Variants in STARD7 observed in about 807,000 individuals in gnomAD.
The protein encoded by STARD7 is stAR-related lipid transfer protein 7, mitochondrial.
Under a neutral mutation model 45.3 loss-of-function variants are expected in STARD7, and 30 were observed. The observed-to-expected ratio is 0.66, with a 90% confidence interval of 0.50 to 0.90. The LOEUF is 0.90. STARD7 is among the 40% of genes least tolerant of loss of function. STARD7 has a pLI of 0.00. For synonymous variants in STARD7, 199 were observed against 183.0 expected (o/e 1.09, Z -0.70); for missense variants, 495 against 491.3 (o/e 1.01, Z -0.07).
intron 1 of STARD7, 35 bp downstream of exon 1, chr2:96,208,110 C>T: frequency 1.3e-6 from 2 of 1,502,414 alleles, no homozygotes; most frequent in Non-Finnish European, 1.8e-6. Context: ...GCCCCCCCAC[C>T]CCACGGCCCA....
At chr2:96,195,923 A>T (rs988519151) in intron 1 of STARD7, among the ~76,000 whole-genome samples, 2 of 151,860 alleles carry the variant, frequency 1.3e-5, no homozygotes, top group African/African-American at 2.4e-5. Flanking sequence ...AACCAGCCTG[A>T]TCAACATGGT....
chr2:96,197,083 A>ATATAATATAATAT (rs1424189805), intron 1 of STARD7, among the ~76,000 whole-genome samples: 3 of 139,116 alleles, frequency 2.2e-5, no homozygotes, highest in African/African-American at 7.7e-5. Context: ...AAATAAAATA[A>ATATAATATAATAT]AATAAAATAA....
Position 96,187,215 on chromosome 2 carries a change from A to T in STARD7, c.928+2T>A. ...AGGCCCTGTATACTTGCCCTTACTT[A>T]CCACTGGAAACCATCCAACTAACAC... On this transcript the variant is annotated splice_donor_variant, in intron 7 of 7. Transcript: ENST00000337288. LOFTEE classifies it high-confidence loss of function. The T allele has an allele frequency of 1.2e-6, 2 of 1,610,614 alleles. No homozygotes were observed.
intron 1 of STARD7, among the ~76,000 whole-genome samples, chr2:96,207,506 TCA>T (rs1683412889): frequency 6.6e-6 from 1 of 152,230 alleles, no homozygotes; most frequent in Non-Finnish European, 1.5e-5. Flanking sequence ...ACTGGGCTTT[TCA>T]CAGTTTTGAT....
At chr2:96,196,635 G>A (rs2104189297) in intron 1 of STARD7, among the ~76,000 whole-genome samples, 1 of 152,144 alleles carries the variant, frequency 6.6e-6, no homozygotes, top group Middle Eastern at 3.4e-3. Flanking sequence ...CTGATTTTTT[G>A]TATTTTTAGC....
Position 96,204,120 on chromosome 2 carries a change from G to A in STARD7, c.290+4025C>T, listed in dbSNP as rs555046376. On this transcript the variant is annotated intron_variant, in intron 1 of 7. Transcript: ENST00000337288. ...CTAAAAATACAAAAATTAAACAGGC[G>A]TGGTGGCACCCCCGCTGTAGACCCA... Among the ~76,000 whole-genome samples the A allele has an allele frequency of 2.0e-5, 3 of 151,946 alleles. No homozygotes were observed. The South Asian group carries it at 6.2e-4, about 32-fold the overall frequency.
chr2:96,201,457 A>G (rs1683302947), intron 1 of STARD7, among the ~76,000 whole-genome samples: 1 of 151,422 alleles, frequency 6.6e-6, no homozygotes, highest in African/African-American at 2.4e-5. Context: ...GCGTAGTGGC[A>G]TGCAGCTGTA....
intron 1 of STARD7, among the ~76,000 whole-genome samples, chr2:96,197,120 A>ACTAAACTAAAC (rs1683233426): frequency 7.2e-6 from 1 of 138,760 alleles, no homozygotes; most frequent in Non-Finnish European, 1.6e-5. Flanking sequence ...ATAAAATAAA[A>ACTAAACTAAAC]TAAAGCCAAG....
intron 1 of STARD7, among the ~76,000 whole-genome samples, chr2:96,201,615 C>T (rs1683306730): frequency 1.3e-5 from 2 of 151,092 alleles, no homozygotes; most frequent in Non-Finnish European, 2.9e-5. Flanking sequence ...GGTGCAACGG[C>T]TCACACCTGT....
Position 96,208,233 on chromosome 2 carries a change from G to C in STARD7, c.202C>G (p.Arg68Gly), listed in dbSNP as rs766358681. 15 of 1,612,370 alleles carry C rather than the reference G, an allele frequency of 9.3e-6. No individual in the cohort carries two copies. Among genetic ancestry groups the C allele is most frequent in the South Asian group, 2.2e-5 (2 of 90,966 alleles). ...ATCAAGGCAGAGGCATGGCCAGGAC[G>C]GCCGTGCAGCCGGCGCCAGAGGCGG... is the stretch of plus-strand genomic sequence containing the variant. ...LGRLWRRLHG[R>G]PGHASALMAA... is the part of the protein sequence containing the mutation. Residue 68 changes from arginine (R) to glycine (G), a missense_variant, in exon 1 of 8, where the codon CGT (arginine) becomes GGT (glycine). Transcript: ENST00000337288.
chr2:96,204,728 A>G (rs937375974), intron 1 of STARD7, among the ~76,000 whole-genome samples: 1 of 148,614 alleles, frequency 6.7e-6, no homozygotes, highest in Non-Finnish European at 1.5e-5. Context: ...TACCAGTAAG[A>G]TACCCTGAAG....
At chr2:96,190,590 G>A (rs1024507053) in intron 6 of STARD7, among the ~76,000 whole-genome samples, 5 of 151,922 alleles carry the variant, frequency 3.3e-5, no homozygotes, top group African/African-American at 7.2e-5. Context: ...TACATGCCTC[G>A]GCCTCCCAAA....
Position 96,193,278 on chromosome 2 carries a change from A to G in STARD7, c.624T>C (p.Ser208=). ...TTACCCAGTGAAGAACCTCGGAACC[A>G]CTAACCACATCCCTCTCAATCACCT... is the stretch of plus-strand genomic sequence containing the variant. The part of the protein sequence containing the change: ...KLEVIERDVV[S]GSEVLHWVTH... Residue 208 remains serine (S), a synonymous_variant, in exon 4 of 8, where the codon AGT becomes AGC. Coordinates refer to ENST00000337288, the MANE Select transcript of STARD7 (RefSeq NM_020151.4). 6.2e-7 allele frequency: 1 copy of G among 1,613,972 alleles called. No homozygotes were observed. The highest frequency in any genetic ancestry group is 8.5e-7 in the Non-Finnish European group (1 of 1,179,832).
chr2:96,193,079 G>A lies in STARD7; in HGVS notation c.742C>T (p.Arg248Cys). The change falls in exon 5 of 8, where the codon CGT (arginine) becomes TGT (cysteine). Residue 248 changes from arginine to cysteine, a missense_variant and splice_region_variant. By Grantham distance (180) the Arg-to-Cys change is radical (BLOSUM62 -3). Transcript: ENST00000337288. ...QENNMMVLVSRAVEHPSVPES... is the reference protein window; with the variant it reads ...QENNMMVLVSCAVEHPSVPES... ...ACAGCCACAGGCAGCCATACATACC[G>A]CGACACCAACACCATCATGTTGTTT... is the stretch of plus-strand genomic sequence containing the variant. 4 of 1,611,764 alleles carry A rather than the reference G, an allele frequency of 2.5e-6. No individual in the cohort carries two copies. Among genetic ancestry groups the A allele is most frequent in the Non-Finnish European group, 2.5e-6 (3 of 1,178,202 alleles).
chr2:96,203,087 G>A (rs1407864978), intron 1 of STARD7, among the ~76,000 whole-genome samples: 1 of 152,162 alleles, frequency 6.6e-6, no homozygotes, highest in African/African-American at 2.4e-5. Flanking sequence ...TTTTCCCAAG[G>A]TTTAGGAATC....
At chr2:96,195,172 G>C in intron 2 of STARD7, 165 bp from the exon 3 acceptor site, 1 of 824,840 alleles carries the variant, frequency 1.2e-6, no homozygotes, top group East Asian at 2.7e-5. Context: ...GAGGATGTAA[G>C]CAAAGACAAC....
chr2:96,193,863 A>G (rs1181548167), intron 3 of STARD7, among the ~76,000 whole-genome samples: 1 of 152,270 alleles, frequency 6.6e-6, no homozygotes, highest in African/African-American at 2.4e-5. Context: ...CCAGTACCTC[A>G]GGGAAAGTGC....
In STARD7 at chr2:96,195,021, A is replaced by G. The variant is rs1456041041; in HGVS notation, c.500-14T>C. ...AGGTTCCAAAAACTAGAATGAAAAG[A>G]AAGAATAAGGGATGCTGGCCATACT... On this transcript the variant is annotated splice_polypyrimidine_tract_variant and intron_variant, in intron 2 of 7. Coordinates refer to ENST00000337288, the MANE Select transcript of STARD7 (RefSeq NM_020151.4). The G allele has an allele frequency of 1.9e-6, 3 of 1,603,650 alleles. No individual in the cohort carries two copies. The South Asian group carries it at 3.4e-5, about 18-fold the overall frequency.
Position 96,205,612 on chromosome 2 carries a change from G to A in STARD7, c.290+2533C>T, listed in dbSNP as rs76521646. Among the ~76,000 whole-genome samples, 31 of 152,274 alleles carry A rather than the reference G, an allele frequency of 2.0e-4. No individual in the cohort carries two copies. In the East Asian group the frequency reaches 4.4e-3, roughly 22 times the overall value. ...CAAAAATCATCTCACTAGAACAAAC[G>A]AAATCCAAGATGTTCTAAGCTAGCT... On this transcript the variant is annotated intron_variant, in intron 1 of 7. Coordinates refer to ENST00000337288, the MANE Select transcript of STARD7 (RefSeq NM_020151.4).
Sources: gnomAD v4.1 joint callset for allele counts (sites outside exome capture counted in the v4.1 genomes callset) on GRCh38, gnomAD v4.1.1 for gene constraint, MANE v1.5 for transcripts, NCBI Gene and HGNC (gene_info 2026-07-23, HGNC 2026-07-21) for gene names.